The following ATP2B2 variants were observed in gnomAD, a reference collection of about 807,000 sequenced individuals.
ATP2B2 encodes plasma membrane calcium-transporting ATPase 2.
ATP2B2 carries 15 observed loss-of-function variants against 120.0 expected under a neutral mutation model. The observed-to-expected ratio is 0.12, with a 90% confidence interval of 0.08 to 0.19. The LOEUF is 0.19. ATP2B2 is among the 10% of genes least tolerant of loss of function. The pLI, the probability that ATP2B2 is intolerant of heterozygous loss-of-function variation, is 1.00. For synonymous variants in ATP2B2, 694 were observed against 700.3 expected (o/e 0.99, Z 0.14); for missense variants, 1,045 against 1,719.8 (o/e 0.61, Z 6.94).
chr3:10,542,430 A>G (rs900532111), intron 2 of ATP2B2, among the ~76,000 whole-genome samples: 1 of 152,178 alleles, frequency 6.6e-6, no homozygotes, highest in Non-Finnish European at 1.5e-5. Context: ...ATTTTTGCTT[A>G]TCATGTTCTT....
chr3:10,639,482 C>T (rs2070112517), intron 1 of ATP2B2, among the ~76,000 whole-genome samples: 1 of 152,170 alleles, frequency 6.6e-6, no homozygotes, highest in Non-Finnish European at 1.5e-5. Flanking sequence ...CTGGCTGGTT[C>T]TCTGGAGTCT....
At chr3:10,431,882 T>C (rs1475608880) in intron 2 of ATP2B2, among the ~76,000 whole-genome samples, 1 of 152,178 alleles carries the variant, frequency 6.6e-6, no homozygotes, top group African/African-American at 2.4e-5. Flanking sequence ...CAATGCTTGA[T>C]CCGGCATCTA....
intron 1 of ATP2B2, among the ~76,000 whole-genome samples, chr3:10,686,937 G>C (rs2071537752): frequency 6.6e-6 from 1 of 152,198 alleles, no homozygotes; most frequent in African/African-American, 2.4e-5. Flanking sequence ...TACAAATGAA[G>C]AGACTGAAGC....
chr3:10,389,027 C>A (rs1186851231), intron 5 of ATP2B2, among the ~76,000 whole-genome samples: 3 of 151,748 alleles, frequency 2.0e-5, no homozygotes, highest in Non-Finnish European at 4.4e-5. Flanking sequence ...CATTTCAAGG[C>A]TTTATTTGGA....
chr3:10,669,415 C>T (rs562584046), intron 1 of ATP2B2, among the ~76,000 whole-genome samples: 11 of 152,268 alleles, frequency 7.2e-5, no homozygotes, highest in African/African-American at 2.4e-4. Flanking sequence ...CAGAGGGCCC[C>T]GCTCCACCCT....
chr3:10,610,040 T>G (rs2125606361), intron 2 of ATP2B2, among the ~76,000 whole-genome samples: 1 of 151,814 alleles, frequency 6.6e-6, no homozygotes, highest in South Asian at 2.1e-4. Flanking sequence ...CTTTTTGTCT[T>G]CTTGTGCTTC....
chr3:10,437,209 C>T (rs1173112285), intron 2 of ATP2B2, among the ~76,000 whole-genome samples: 1 of 151,714 alleles, frequency 6.6e-6, no homozygotes, highest in Non-Finnish European at 1.5e-5. Flanking sequence ...CAAGATGCCT[C>T]CCTCTCTGGG....
chr3:10,452,818 G>A (rs925872750), intron 1 of ATP2B2, among the ~76,000 whole-genome samples: 4 of 152,320 alleles, frequency 2.6e-5, no homozygotes, highest in Non-Finnish European at 4.4e-5. Context: ...TGTCCAGAAG[G>A]AACTTGGGAC....
chr3:10,490,875 C>T (rs2065908595), intron 1 of ATP2B2, among the ~76,000 whole-genome samples: 1 of 152,194 alleles, frequency 6.6e-6, no homozygotes, highest in Admixed American at 6.5e-5. Context: ...CTATCTGCTC[C>T]TGTTGATATT....
chr3:10,386,539 A>G (rs1202071445), intron 6 of ATP2B2, 27 bp from the exon 7 acceptor site: 2 of 1,613,816 alleles, frequency 1.2e-6, no homozygotes. Flanking sequence ...GAGACATGTT[A>G]ATGAAGGAGA....
At chr3:10,639,988 T>C (rs1359692164) in intron 1 of ATP2B2, among the ~76,000 whole-genome samples, 1 of 151,988 alleles carries the variant, frequency 6.6e-6, no homozygotes, top group African/African-American at 2.4e-5. Context: ...ATCCAGGCTT[T>C]CTTGGGTACT....
intron 2 of ATP2B2, among the ~76,000 whole-genome samples, chr3:10,574,186 T>G (rs1218584403): frequency 1.3e-5 from 2 of 152,222 alleles, no homozygotes; most frequent in African/African-American, 4.8e-5. Context: ...TTCTTTCTTC[T>G]GGGTTTTGGT....
At chr3:10,515,116 G>C (rs2066851009) in intron 3 of ATP2B2, among the ~76,000 whole-genome samples, 1 of 152,242 alleles carries the variant, frequency 6.6e-6, no homozygotes. Flanking sequence ...GGGCATCAAA[G>C]AGATGTGGGA....
chr3:10,702,244 G>A (rs1559527462), intron 1 of ATP2B2, among the ~76,000 whole-genome samples: 1 of 152,210 alleles, frequency 6.6e-6, no homozygotes, highest in Non-Finnish European at 1.5e-5. Flanking sequence ...GGCTTGCTGT[G>A]AGGACTAGAA....
intron 2 of ATP2B2, among the ~76,000 whole-genome samples, chr3:10,596,502 G>C (rs2068767641): frequency 6.6e-6 from 1 of 152,222 alleles, no homozygotes. Context: ...CCAAGGCTTT[G>C]AAATCAAAGT....
Position 10,622,637 on chromosome 3 carries a change from T to C in ATP2B2, c.-459-2676A>G, listed in dbSNP as rs544664874. ...CATCCCAGCTGTTGGAATCTATGATTCTTGCCCTTCTAAATTGCAGGTGAC... is the reference window on the plus strand; with the variant it reads ...CATCCCAGCTGTTGGAATCTATGATCCTTGCCCTTCTAAATTGCAGGTGAC... On this transcript the variant is annotated intron_variant, in intron 1 of 21. Transcript: ENST00000646379. 2.0e-5 allele frequency among the ~76,000 whole-genome samples: 3 copies of C among 152,282 alleles called. 1 individual carries two copies. Among genetic ancestry groups the C allele is most frequent in the African/African-American group, 7.2e-5 (3 of 41,550 alleles).
intron 13 of ATP2B2, 151 bp downstream of exon 13, chr3:10,359,731 C>A: frequency 1.8e-6 from 2 of 1,104,978 alleles, no homozygotes; most frequent in Admixed American, 2.1e-5. Flanking sequence ...TTGGGCAGGG[C>A]CCTCTGTGGC....
Position 10,328,531 on chromosome 3 carries a change from G to C in ATP2B2, c.*283C>G, listed in dbSNP as rs2059900343. 2.1e-6 allele frequency: 1 copy of C among 465,908 alleles called. No individual in the cohort carries two copies. Among genetic ancestry groups the C allele is most frequent in the East Asian group, 4.1e-5 (1 of 24,618 alleles). The allele number at this position is 465,908 out of a possible 1,614,324, so 28.9% of individuals were successfully genotyped here. ...CTGGGCGGGTGCATGGCTGGTCCAT[G>C]TCTGGGTGGGAGCCAGGAAGGGCTT... On this transcript the variant is annotated 3_prime_UTR_variant, in exon 23 of 23. Transcript: ENST00000360273.
chr3:10,422,806 T>A (rs1002319226), intron 2 of ATP2B2, among the ~76,000 whole-genome samples: 1 of 152,250 alleles, frequency 6.6e-6, no homozygotes, highest in African/African-American at 2.4e-5. Context: ...GAGGCTGTGT[T>A]CCTGTAATTC....
Sources: allele counts gnomAD v4.1 joint callset (sites outside exome capture counted in the v4.1 genomes callset), GRCh38; gene constraint gnomAD v4.1.1; transcripts MANE v1.5; gene names NCBI Gene and HGNC (gene_info 2026-07-23, HGNC 2026-07-21).